The following RGS21 variants were observed in gnomAD, a reference collection of about 807,000 sequenced individuals.
RGS21 encodes the protein regulator of G protein signaling 21.
A neutral mutation model predicts 18.7 loss-of-function variants in RGS21; 19 were observed. The observed-to-expected ratio is 1.01, with a 90% CI of 0.71 to 1.49. The LOEUF (loss-of-function observed/expected upper bound fraction) is 1.49. Ranked by LOEUF, RGS21 falls within the 40% of genes most tolerant of loss-of-function variation. The pLI is 0.00. For missense variants in RGS21, 194 were observed against 176.8 expected (o/e 1.10, Z -0.55); for synonymous variants, 56 against 57.8 (o/e 0.97, Z 0.14).
intron 2 of RGS21, among the ~76,000 whole-genome samples, chr1:192,344,713 A>G (rs997853982): frequency 9.9e-5 from 15 of 152,128 alleles, no homozygotes; most frequent in African/African-American, 2.2e-4. Flanking sequence ...AGTAAATGCT[A>G]TGTTACCTCC....
intron 1 of RGS21, among the ~76,000 whole-genome samples, chr1:192,323,490 T>C (rs1658523865): frequency 6.6e-6 from 1 of 151,950 alleles, no homozygotes; most frequent in Admixed American, 6.6e-5. Context: ...GAAGAAAGTA[T>C]ATAACATGAA....
chr1:192,347,889 A>C (rs1010567073), intron 3 of RGS21, among the ~76,000 whole-genome samples: 3 of 151,770 alleles, frequency 2.0e-5, no homozygotes, highest in Admixed American at 1.3e-4. Flanking sequence ...CAAACTCCTG[A>C]CCTCAGGTGA....
chr1:192,334,145 G>T (rs112732685), intron 1 of RGS21, among the ~76,000 whole-genome samples: 2 of 152,064 alleles, frequency 1.3e-5, no homozygotes, highest in South Asian at 4.2e-4. Flanking sequence ...TACGTTTCTC[G>T]ACAGTGAACT....
At chr1:192,335,909 T>A (rs928882363) in intron 1 of RGS21, among the ~76,000 whole-genome samples, 1 of 152,164 alleles carries the variant, frequency 6.6e-6, no homozygotes, top group Non-Finnish European at 1.5e-5. Flanking sequence ...AAAAACAGTT[T>A]ATATACTACC....
chr1:192,319,273 T>TG (rs1658462810), intron 1 of RGS21, among the ~76,000 whole-genome samples: 1 of 152,058 alleles, frequency 6.6e-6, no homozygotes, highest in East Asian at 1.9e-4. Flanking sequence ...AATAATCCAA[T>TG]GAGCTTTTAA....
At chr1:192,364,960 C>A (rs1659234078) in intron 4 of RGS21, among the ~76,000 whole-genome samples, 1 of 151,872 alleles carries the variant, frequency 6.6e-6, no homozygotes, top group Non-Finnish European at 1.5e-5. Flanking sequence ...TGGTGAAACC[C>A]CGTCTCTACT....
chr1:192,327,145 C>T (rs896501293), intron 1 of RGS21, among the ~76,000 whole-genome samples: 7 of 151,732 alleles, frequency 4.6e-5, no homozygotes, highest in African/African-American at 1.7e-4. Flanking sequence ...TTTAACTGAC[C>T]TAAGAAGCTA....
chr1:192,354,339 T>C (rs755820966), intron 4 of RGS21, among the ~76,000 whole-genome samples: 3 of 151,576 alleles, frequency 2.0e-5, no homozygotes, highest in Admixed American at 6.6e-5. Flanking sequence ...ATTTGCGGTG[T>C]GGTTCACACA....
intron 1 of RGS21, among the ~76,000 whole-genome samples, chr1:192,328,717 C>T (rs1365035989): frequency 6.6e-6 from 1 of 152,012 alleles, no homozygotes; most frequent in Non-Finnish European, 1.5e-5. Flanking sequence ...TAAGAATTTA[C>T]ATTGATATAA....
chr1:192,345,386 C>T (rs1456752593), intron 2 of RGS21, among the ~76,000 whole-genome samples: 4 of 152,022 alleles, frequency 2.6e-5, no homozygotes, highest in Non-Finnish European at 5.9e-5. Flanking sequence ...CTTTTCAATA[C>T]TTTTTATCAC....
intron 1 of RGS21, among the ~76,000 whole-genome samples, chr1:192,331,585 A>G (rs1206643396): frequency 6.6e-6 from 1 of 151,170 alleles, no homozygotes; most frequent in African/African-American, 2.4e-5. Context: ...AAATAAATAA[A>G]GACTGTGTAT....
At chr1:192,357,151 GA>G (rs768386458) in intron 4 of RGS21, among the ~76,000 whole-genome samples, 7 of 151,852 alleles carry the variant, frequency 4.6e-5, no homozygotes, top group Non-Finnish European at 7.4e-5. Flanking sequence ...GTATTTCGAA[GA>G]AGTAACTGGT....
chr1:192,353,153 G>C (rs1180719279), intron 4 of RGS21, among the ~76,000 whole-genome samples: 1 of 151,848 alleles, frequency 6.6e-6, no homozygotes, highest in African/African-American at 2.4e-5. Context: ...GAGGATGGTT[G>C]TACTTATAGG....
At chr1:192,325,495 A>G (rs1658556666) in intron 1 of RGS21, among the ~76,000 whole-genome samples, 1 of 152,104 alleles carries the variant, frequency 6.6e-6, no homozygotes, top group Non-Finnish European at 1.5e-5. Context: ...GCTGGGTCAA[A>G]TGGTAGTTCT....
At position 192,347,294 on chromosome 1, in the gene RGS21, A is replaced by G. The variant is rs764279598; in HGVS notation, c.12-19A>G. 4 of 1,483,512 alleles carry G rather than the reference A, an allele frequency of 2.7e-6. No homozygotes were observed. The East Asian group carries it at 9.1e-5, about 34-fold the overall frequency. 91.9% of individuals were successfully genotyped at this position (1,483,512 alleles called of 1,614,324 possible). A position where few individuals can be genotyped will look rare whatever the true frequency, so the allele number is the denominator to read the frequency against. On this transcript the variant is annotated intron_variant, in intron 2 of 4. Coordinates refer to ENST00000417209, the MANE Select transcript of RGS21 (RefSeq NM_001039152.3). ...TTGGTTAAAGAAGAAAAAGATCACAATGCTATTGTCAAGGTTAGATGCTGT... is the reference window on the plus strand; with the variant it reads ...TTGGTTAAAGAAGAAAAAGATCACAGTGCTATTGTCAAGGTTAGATGCTGT...
At chr1:192,338,421 A>T (rs1658803655) in intron 1 of RGS21, among the ~76,000 whole-genome samples, 1 of 152,158 alleles carries the variant, frequency 6.6e-6, no homozygotes, top group Non-Finnish European at 1.5e-5. Context: ...AAAAATAATT[A>T]ATCTTTCCTT....
At chr1:192,351,801 A>C (rs911180697) in intron 3 of RGS21, among the ~76,000 whole-genome samples, 8 of 147,678 alleles carry the variant, frequency 5.4e-5, no homozygotes, top group African/African-American at 9.8e-5. Flanking sequence ...TATATAGCAC[A>C]TATAACATAT....
At chr1:192,365,046 G>A (rs1424349087) in intron 4 of RGS21, among the ~76,000 whole-genome samples, 2 of 151,260 alleles carry the variant, frequency 1.3e-5, no homozygotes, top group East Asian at 2.0e-4. Flanking sequence ...TAAGGCAGGA[G>A]AATCGCTTGA....
chr1:192,352,045 A>G lies in RGS21; in HGVS notation c.89-2A>G. The G allele has an allele frequency of 6.4e-7, 1 of 1,567,890 alleles. No individual in the cohort carries two copies. The highest frequency in any genetic ancestry group is 1.2e-5 in the South Asian group (1 of 84,522). On this transcript the variant is annotated splice_acceptor_variant, in intron 3 of 4. Transcript: ENST00000417209. LOFTEE classifies it high-confidence loss of function. The stretch of plus-strand genomic sequence containing the variant: ...CAAAACTTTTTCTCATATATTTTAT[A>G]GCTGGTCTAGATGCTTTTCGAATAT...
Sources: gnomAD v4.1 joint callset for allele counts (sites outside exome capture counted in the v4.1 genomes callset) on GRCh38, gnomAD v4.1.1 for gene constraint, MANE v1.5 for transcripts, NCBI Gene and HGNC (gene_info 2026-07-23, HGNC 2026-07-21) for gene names.